FIP1L1: variants seen among roughly 807,000 people sequenced by gnomAD.
FIP1L1 encodes factor interacting with PAPOLA and CPSF1.
In FIP1L1, 21 loss-of-function variants were observed where a neutral mutation model predicts 84.6. That is an observed-to-expected ratio of 0.25 (90% CI 0.18 to 0.36). FIP1L1 has a LOEUF of 0.36. Ranked by LOEUF, FIP1L1 falls within the 10% of genes least tolerant of loss-of-function variation. The probability of loss-of-function intolerance (pLI) is 1.00; values close to 1 mark genes in which losing one functional copy is unlikely to be tolerated. For synonymous variants in FIP1L1, 263 were observed against 242.3 expected (o/e 1.09, Z -0.80); for missense variants, 526 against 751.1 (o/e 0.70, Z 3.50).
intron 10 of FIP1L1, among the ~76,000 whole-genome samples, chr4:53,414,232 G>A (rs1401616960): frequency 6.6e-6 from 1 of 151,978 alleles, no homozygotes; most frequent in Non-Finnish European, 1.5e-5. Context: ...AGAATATAGG[G>A]AAAGAAATAC....
At chr4:53,396,829 GTC>G (rs34669339) in intron 9 of FIP1L1, among the ~76,000 whole-genome samples, 7,267 of 152,218 alleles carry the variant, frequency 0.048, 339 homozygotes, top group South Asian at 0.2. Flanking sequence ...GGCTTTCTTA[GTC>G]TCTCTATATA....
chr4:53,451,331 A>C (rs1715811588), intron 15 of FIP1L1, among the ~76,000 whole-genome samples: 1 of 149,260 alleles, frequency 6.7e-6, no homozygotes, highest in Non-Finnish European at 1.5e-5. Context: ...TTTTTCTTTC[A>C]ACCTTTCTGT....
intron 13 of FIP1L1, among the ~76,000 whole-genome samples, chr4:53,432,516 T>C (rs1419545259): frequency 1.3e-5 from 2 of 152,062 alleles, no homozygotes; most frequent in South Asian, 2.1e-4. Context: ...ATAGTTTCCA[T>C]TGTATTAAGT....
chr4:53,435,304 A>G (rs1409113537), intron 13 of FIP1L1, among the ~76,000 whole-genome samples: 2 of 152,274 alleles, frequency 1.3e-5, no homozygotes, highest in Admixed American at 1.3e-4. Context: ...TTTCTCCTCC[A>G]GGATGCACCC....
chr4:53,440,956 A>T (rs1270414487), intron 13 of FIP1L1: 2 of 176,864 alleles, frequency 1.1e-5, no homozygotes, highest in Non-Finnish European at 2.4e-5. Context: ...GAAGAGAAAG[A>T]TAATTTATTT....
intron 11 of FIP1L1, among the ~76,000 whole-genome samples, chr4:53,424,228 C>G (rs1443173628): frequency 6.6e-6 from 1 of 152,000 alleles, no homozygotes; most frequent in Non-Finnish European, 1.5e-5. Context: ...GAATGCACAC[C>G]TGTATTTAGT....
At chr4:53,401,789 C>T (rs757648238) in intron 10 of FIP1L1, among the ~76,000 whole-genome samples, 61 of 151,992 alleles carry the variant, frequency 4.0e-4, no homozygotes, top group Non-Finnish European at 7.6e-4. Context: ...AAATGAGATG[C>T]CTATTGGACG....
At chr4:53,451,810 T>C (rs1716163926) in intron 15 of FIP1L1, among the ~76,000 whole-genome samples, 1 of 152,118 alleles carries the variant, frequency 6.6e-6, no homozygotes, top group Non-Finnish European at 1.5e-5. Context: ...TTACCATTTA[T>C]TTGTTCAACC....
Position 53,386,268 on chromosome 4 carries a change from G to C in FIP1L1, c.332+2392G>C, listed in dbSNP as rs114726224. Reference sequence around the variant, plus strand: ...ATAATGTGCCTTTATCAAACCATCTGTGATCATTCCATTATTATTATTGTT... The same window carrying C: ...ATAATGTGCCTTTATCAAACCATCTCTGATCATTCCATTATTATTATTGTT... On this transcript the variant is annotated intron_variant, in intron 5 of 17. Transcript: ENST00000337488. 9.4e-3 allele frequency among the ~76,000 whole-genome samples: 1,425 copies of C among 152,162 alleles called. 20 individuals carry two copies. The highest frequency in any genetic ancestry group is 0.033 in the African/African-American group (1,361 of 41,524).
chr4:53,401,546 G>A (rs1208001337), intron 10 of FIP1L1, among the ~76,000 whole-genome samples: 3 of 152,222 alleles, frequency 2.0e-5, no homozygotes, highest in Non-Finnish European at 4.4e-5. Context: ...ATGGTGTGGA[G>A]ATGTTGAGAA....
At chr4:53,415,457 C>A (rs1191422655) in intron 11 of FIP1L1, among the ~76,000 whole-genome samples, 1 of 151,764 alleles carries the variant, frequency 6.6e-6, no homozygotes, top group Non-Finnish European at 1.5e-5. Context: ...AAAATACAGA[C>A]CAAGATACTT....
At chr4:53,417,638 T>C (rs1160371210) in intron 11 of FIP1L1, among the ~76,000 whole-genome samples, 1 of 81,176 alleles carries the variant, frequency 1.2e-5, no homozygotes, top group African/African-American at 4.7e-5. Flanking sequence ...GCAAAACTCC[T>C]TCTCAAAAAA....
rs181920644 is a variant in FIP1L1, at chr4:53,383,470, T to C, written c.229-303T>C. On this transcript the variant is annotated intron_variant, in intron 4 of 17. Transcript: ENST00000337488. Reference sequence around the variant, plus strand: ...TGAGGTCAGGAGTTCGAGGCCAGCCTGGCCAACATGGTGAAACCCTGTCTC... The same window carrying C: ...TGAGGTCAGGAGTTCGAGGCCAGCCCGGCCAACATGGTGAAACCCTGTCTC... Among the ~76,000 whole-genome samples the C allele has an allele frequency of 3.9e-3, 595 of 152,338 alleles. 3 individuals are homozygous for C. The highest frequency in any genetic ancestry group is 0.014 in the African/African-American group (563 of 41,586).
chr4:53,391,162 T>C (rs780482330), intron 8 of FIP1L1, 23 bp downstream of exon 8: 11 of 1,582,082 alleles, frequency 7.0e-6, no homozygotes, highest in Non-Finnish European at 8.6e-6. Context: ...TACTCCGGAA[T>C]ACCCTTGGCT....
At chr4:53,389,785 T>A in intron 5 of FIP1L1, 24 bp from the exon 6 acceptor site, 1 of 1,583,998 alleles carries the variant, frequency 6.3e-7, no homozygotes, top group Non-Finnish European at 8.6e-7. Context: ...TAATTTCTGT[T>A]TTTTTTTGTT....
intron 11 of FIP1L1, among the ~76,000 whole-genome samples, chr4:53,423,527 A>G (rs553179301): frequency 6.6e-6 from 1 of 152,332 alleles, no homozygotes; most frequent in East Asian, 1.9e-4. Flanking sequence ...TCAGAATAAT[A>G]TTAGATTTTT....
At chr4:53,391,188 T>G in intron 8 of FIP1L1, 49 bp downstream of exon 8, 1 of 1,549,350 alleles carries the variant, frequency 6.5e-7, no homozygotes, top group Non-Finnish European at 8.7e-7. Flanking sequence ...ACCGTCCCAC[T>G]TTTACTCCCC....
intron 13 of FIP1L1, among the ~76,000 whole-genome samples, chr4:53,437,084 T>C (rs1209125142): frequency 6.6e-6 from 1 of 151,982 alleles, no homozygotes; most frequent in African/African-American, 2.4e-5. Context: ...CACAGCACTT[T>C]GGGAGGCTGA....
At chr4:53,458,996 A>G (rs1277130554) in intron 17 of FIP1L1, among the ~76,000 whole-genome samples, 1 of 152,096 alleles carries the variant, frequency 6.6e-6, no homozygotes, top group African/African-American at 2.4e-5. Flanking sequence ...CCTATACAGT[A>G]TTTCCGGTTT....
Sources: gnomAD v4.1 joint callset for allele counts (sites outside exome capture counted in the v4.1 genomes callset) on GRCh38, gnomAD v4.1.1 for gene constraint, MANE v1.5 for transcripts, NCBI Gene and HGNC (gene_info 2026-07-23, HGNC 2026-07-21) for gene names.